ELP4: variants seen among roughly 807,000 people sequenced by gnomAD.
ELP4 encodes the protein elongator complex protein 4.
In ELP4, 51 loss-of-function variants were observed where a neutral mutation model predicts 48.9. The ratio of observed to expected loss-of-function variants is 1.04; its 90% CI spans 0.83 to 1.32. ELP4 has a LOEUF of 1.32. ELP4 is among the 40% of genes most tolerant of loss of function. The pLI is 0.00. For synonymous variants in ELP4, 210 were observed against 189.2 expected, an observed-to-expected ratio of 1.11 and a Z score of -0.90; for missense variants, 519 against 514.6, an observed-to-expected ratio of 1.01 and a Z score of -0.08.
intron 3 of ELP4, among the ~76,000 whole-genome samples, chr11:31,591,423 G>A (rs200352147): frequency 5.2e-3 from 59 of 11,398 alleles, no homozygotes; most frequent in African/African-American, 0.011. Flanking sequence ...AAAAAAAAAA[G>A]GGGGGGGGGG....
At chr11:31,726,196 C>A (rs1947072550) in intron 9 of ELP4, among the ~76,000 whole-genome samples, 1 of 151,952 alleles carries the variant, frequency 6.6e-6, no homozygotes, top group Non-Finnish European at 1.5e-5. Context: ...GAAAAGCAGG[C>A]TGGGAACATC....
intron 3 of ELP4, among the ~76,000 whole-genome samples, chr11:31,544,876 A>G (rs7950752): frequency 0.64 from 97,771 of 152,054 alleles, 33,410 homozygotes; most frequent in African/African-American, 0.89. Context: ...CACTGCTGCT[A>G]ATACCCAGGC....
intron 3 of ELP4, among the ~76,000 whole-genome samples, chr11:31,559,278 A>G (rs1415509594): frequency 6.6e-6 from 1 of 152,242 alleles, no homozygotes; most frequent in Non-Finnish European, 1.5e-5. Flanking sequence ...TTTGCTAATC[A>G]GAAACTGACA....
chr11:31,551,885 A>G (rs1243854165), intron 3 of ELP4, among the ~76,000 whole-genome samples: 1 of 152,152 alleles, frequency 6.6e-6, no homozygotes, highest in Non-Finnish European at 1.5e-5. Flanking sequence ...TCATGACCCT[A>G]ATTTTATAAG....
At chr11:31,648,041 T>A (rs896189449) in intron 8 of ELP4, 192 bp downstream of exon 8, 1 of 421,066 alleles carries the variant, frequency 2.4e-6, no homozygotes, top group East Asian at 4.0e-5. Flanking sequence ...TAGACTATAA[T>A]AACTGAAAGG....
chr11:31,597,682 C>G (rs533035132), intron 4 of ELP4, among the ~76,000 whole-genome samples: 8 of 151,972 alleles, frequency 5.3e-5, no homozygotes, highest in Non-Finnish European at 1.2e-4. Flanking sequence ...AGTGATTCTC[C>G]TGCCTCAGCC....
chr11:31,548,523 G>A (rs1956777569), intron 3 of ELP4, among the ~76,000 whole-genome samples: 3 of 152,076 alleles, frequency 2.0e-5, no homozygotes, highest in Non-Finnish European at 2.9e-5. Context: ...ATGCTCATGG[G>A]TAGGAAGAAT....
chr11:31,568,406 A>G (rs1048497053), intron 3 of ELP4, among the ~76,000 whole-genome samples: 14 of 152,162 alleles, frequency 9.2e-5, no homozygotes, highest in African/African-American at 3.4e-4. Flanking sequence ...CAAACTACCA[A>G]TGTCATTTTT....
At chr11:31,740,134 G>C (rs796885550) in intron 9 of ELP4, among the ~76,000 whole-genome samples, 5 of 152,338 alleles carry the variant, frequency 3.3e-5, no homozygotes, top group African/African-American at 9.6e-5. Context: ...TGGTTTGGCT[G>C]TCAGGCCTAG....
rs1450786095 is a variant in ELP4, at chr11:31,621,614, A to G, written c.654-5496A>G. On this transcript the variant is annotated intron_variant, in intron 5 of 9. Coordinates refer to ENST00000640961, the MANE Select transcript of ELP4 (RefSeq NM_019040.5). ...CCTACATTCCAACTATACAATACTC[A>G]TATCTAGTTTATATATTTGTAAGCA... 6.6e-5 allele frequency among the ~76,000 whole-genome samples: 10 copies of G among 152,038 alleles called. No individual in the cohort carries two copies. The East Asian group carries it at 1.5e-3, about 24-fold the overall frequency.
At chr11:31,645,484 G>A (rs2134066388) in intron 7 of ELP4, among the ~76,000 whole-genome samples, 1 of 151,838 alleles carries the variant, frequency 6.6e-6, no homozygotes, top group African/African-American at 2.4e-5. Flanking sequence ...TATCAGAATG[G>A]AAATTTATCT....
chr11:31,630,293 T>C (rs1944834268), intron 6 of ELP4, among the ~76,000 whole-genome samples: 1 of 151,024 alleles, frequency 6.6e-6, no homozygotes, highest in Non-Finnish European at 1.5e-5. Context: ...TCCCTTCAAT[T>C]GTATTGAATT....
intron 9 of ELP4, chr11:31,719,536 G>T: frequency 2.5e-6 from 1 of 398,128 alleles, no homozygotes; most frequent in Non-Finnish European, 4.4e-6. Flanking sequence ...AAAACTTGTA[G>T]CTTTGTGTTT....
At chr11:31,573,590 A>G (rs1957220128) in intron 3 of ELP4, 1 of 152,114 alleles carries the variant, frequency 6.6e-6, no homozygotes, top group Non-Finnish European at 1.5e-5. Flanking sequence ...TTCACAGATA[A>G]AGAAAGAGCT....
At position 31,782,687 on chromosome 11, in the gene ELP4, G is replaced by A. The variant is rs183524400; in HGVS notation, c.1144-706G>A. ...CTGCAGAAAAACAGTTGGGATGGGC[G>A]GGGGTTGGGAGGGTGTTCAAAGCAA... On this transcript the variant is annotated intron_variant, in intron 9 of 9. Transcript: ENST00000640961. Among the ~76,000 whole-genome samples the A allele has an allele frequency of 1.1e-3, 175 of 152,208 alleles. 1 individual carries two copies. Among genetic ancestry groups the A allele is most frequent in the Admixed American group, 5.2e-3 (79 of 15,282 alleles).
intron 3 of ELP4, among the ~76,000 whole-genome samples, chr11:31,555,613 G>A (rs1194211974): frequency 1.3e-5 from 2 of 151,680 alleles, no homozygotes; most frequent in Non-Finnish European, 2.9e-5. Context: ...TCCAGTTTTT[G>A]TGTAAGTTTA....
intron 9 of ELP4, among the ~76,000 whole-genome samples, chr11:31,774,652 T>G (rs1352785436): frequency 1.3e-5 from 2 of 152,234 alleles, no homozygotes; most frequent in African/African-American, 4.8e-5. Context: ...GGAGGAAATT[T>G]GCCCTCCAAG....
intron 9 of ELP4, among the ~76,000 whole-genome samples, chr11:31,735,137 G>C (rs940810738): frequency 6.7e-6 from 1 of 149,200 alleles, no homozygotes; most frequent in African/African-American, 2.5e-5. Flanking sequence ...AAATGGTATT[G>C]GGAAAACTGG....
chr11:31,704,044 C>T (rs540525122), intron 9 of ELP4, among the ~76,000 whole-genome samples: 1 of 152,142 alleles, frequency 6.6e-6, no homozygotes, highest in African/African-American at 2.4e-5. Flanking sequence ...ATTTTTATGG[C>T]CCATGCCATC....
Sources: allele counts gnomAD v4.1 joint callset (sites outside exome capture counted in the v4.1 genomes callset), GRCh38; gene constraint gnomAD v4.1.1; transcripts MANE v1.5; gene names NCBI Gene and HGNC (gene_info 2026-07-23, HGNC 2026-07-21).